The following GABPA variants were observed in gnomAD, a reference collection of about 807,000 sequenced individuals.
GABPA encodes the protein GA-binding protein alpha chain.
In GABPA, 4 loss-of-function variants were observed where a neutral mutation model predicts 59.4. The observed-to-expected ratio is 0.07, with a 90% CI of 0.03 to 0.15. The LOEUF is 0.15. Ranked by LOEUF, GABPA falls within the 10% of genes least tolerant of loss-of-function variation. The pLI is 1.00. For missense variants in GABPA, 251 were observed against 543.8 expected (o/e 0.46, Z 5.36); for synonymous variants, 164 against 183.1 (o/e 0.90, Z 0.84).
intron 3 of GABPA, among the ~76,000 whole-genome samples, chr21:25,747,223 T>C (rs1372785566): frequency 6.6e-6 from 1 of 152,214 alleles, no homozygotes; most frequent in African/African-American, 2.4e-5. Context: ...AGGTTTATAG[T>C]GAATATAACT....
intron 6 of GABPA, among the ~76,000 whole-genome samples, chr21:25,760,101 C>T (rs1387163428): frequency 6.6e-6 from 1 of 152,136 alleles, no homozygotes; most frequent in Non-Finnish European, 1.5e-5. Context: ...CAACAAAGTC[C>T]CACAGCCTAG....
chr21:25,740,404 A>G (rs1413206007), intron 1 of GABPA, among the ~76,000 whole-genome samples: 1 of 152,256 alleles, frequency 6.6e-6, no homozygotes, highest in Non-Finnish European at 1.5e-5. Flanking sequence ...TAGATGTGGT[A>G]GTACGCTTAG....
At chr21:25,758,843 G>T (rs2035698344) in intron 6 of GABPA, among the ~76,000 whole-genome samples, 1 of 152,146 alleles carries the variant, frequency 6.6e-6, no homozygotes. Flanking sequence ...GATGAGGCAG[G>T]CAGATCACTT....
chr21:25,745,061 G>C lies in GABPA; in HGVS notation c.78-149G>C, dbSNP rs547885721. On this transcript the variant is annotated intron_variant, in intron 2 of 9. Transcript: ENST00000400075. Reference sequence around the variant, plus strand: ...AGTGTTCATTTTGGCAACACTAGTTGGTGATGAGCCTGCCACAGTATCTAT... The same window carrying C: ...AGTGTTCATTTTGGCAACACTAGTTCGTGATGAGCCTGCCACAGTATCTAT... The C allele has an allele frequency of 4.1e-6, 3 of 728,950 alleles. No individual in the cohort carries two copies. The South Asian group carries it at 5.5e-5, about 13-fold the overall frequency. 45.2% of individuals were successfully genotyped at this position (728,950 alleles called of 1,614,324 possible). A position where few individuals can be genotyped will look rare whatever the true frequency, so the allele number is the denominator to read the frequency against.
Position 25,735,280 on chromosome 21 carries a change from A to C in GABPA, c.-325A>C. ...GTGCAGGGAAAGTGAGACTGTGTAA[A>C]ACAAAGCGGATTGGGGCGTTGTGCT... On this transcript the variant is annotated 5_prime_UTR_variant, in exon 1 of 10. Transcript: ENST00000400075. The C allele has an allele frequency of 2.4e-6, 1 of 420,330 alleles. No individual in the cohort carries two copies. Among genetic ancestry groups the C allele is most frequent in the South Asian group, 3.2e-5 (1 of 30,946 alleles). 26.0% of individuals were successfully genotyped at this position (420,330 alleles called of 1,614,324 possible).
chr21:25,745,510 T>A (rs2035338527), intron 3 of GABPA, among the ~76,000 whole-genome samples, 156 bp downstream of exon 3: 1 of 152,242 alleles, frequency 6.6e-6, no homozygotes, highest in African/African-American at 2.4e-5. Context: ...AAAAGGTTTT[T>A]AAGCAAAGTT....
At position 25,769,626 on chromosome 21, in the gene GABPA, C is replaced by T. The variant is rs1014048463; in HGVS notation, c.*394C>T. 6.3e-6 allele frequency: 1 copy of T among 159,544 alleles called. No homozygotes were observed. 9.9% of individuals were successfully genotyped at this position (159,544 alleles called of 1,614,324 possible). On this transcript the variant is annotated 3_prime_UTR_variant, in exon 10 of 10. Transcript: ENST00000400075. ...TATTTTTGAAAATATAACTGTTTCC[C>T]CTCTCTGCTGCTTTAGATGTTGCTT... is the stretch of plus-strand genomic sequence containing the variant.
chr21:25,755,481 C>CAAT (rs976845413), intron 5 of GABPA, among the ~76,000 whole-genome samples: 2 of 147,744 alleles, frequency 1.4e-5, no homozygotes, highest in Admixed American at 6.7e-5. Flanking sequence ...TCAAACGTGT[C>CAAT]AATATTTATA....
intron 2 of GABPA, 113 bp from the exon 3 acceptor site, chr21:25,745,097 C>A: frequency 8.5e-7 from 1 of 1,176,948 alleles, no homozygotes. Flanking sequence ...GTAGAAATGA[C>A]TTTTCAAAGA....
Position 25,739,717 on chromosome 21 carries a change from C to G in GABPA, c.-26-1856C>G, listed in dbSNP as rs372487436. Among the ~76,000 whole-genome samples the G allele has an allele frequency of 3.9e-5, 6 of 152,326 alleles. No individual in the cohort carries two copies. The South Asian group carries it at 8.3e-4, about 21-fold the overall frequency. ...TGCAGCCTCGACTCCTGGTCTCAAG[C>G]GATCTTCTCACTTCAGCCTCCCAAG... On this transcript the variant is annotated intron_variant, in intron 1 of 9. Coordinates refer to ENST00000400075, the MANE Select transcript of GABPA (RefSeq NM_002040.4).
intron 2 of GABPA, among the ~76,000 whole-genome samples, chr21:25,743,099 G>A (rs1159048745): frequency 2.0e-5 from 3 of 152,268 alleles, no homozygotes; most frequent in East Asian, 1.9e-4. Flanking sequence ...GGGTGTCTGC[G>A]TCCAAAGTCA....
intron 6 of GABPA, among the ~76,000 whole-genome samples, chr21:25,758,845 A>C (rs1024684110): frequency 6.6e-6 from 1 of 152,186 alleles, no homozygotes. Context: ...TGAGGCAGGC[A>C]GATCACTTGA....
Position 25,764,266 on chromosome 21 carries a change from A to C in GABPA, c.859A>C (p.Ile287Leu), listed in dbSNP as rs376096956. The part of the protein sequence containing the change: ...QSATPTTIKV[I>L]NSSAKAAKVQ... ...TGCTACACCTACTACCATTAAAGTT[A>C]TAAATAGTAGTGCGAAAGCAGCCAA... The change falls in exon 8 of 10, where the codon ATA becomes CTA. Residue 287 changes from isoleucine (I) to leucine (L), a missense_variant. By Grantham distance (5) the Ile-to-Leu change is conservative (BLOSUM62 2). Around this residue, in one of 4 missense-constraint regions of GABPA, gnomAD observed 207 missense variants for 366.7 expected, o/e 0.56. Transcript: ENST00000400075. 1.2e-6 allele frequency: 2 copies of C among 1,611,766 alleles called. No individual in the cohort carries two copies. The highest frequency in any genetic ancestry group is 1.7e-6 in the Non-Finnish European group (2 of 1,178,680).
chr21:25,758,982 A>T (rs2035702842), intron 6 of GABPA, among the ~76,000 whole-genome samples: 1 of 152,142 alleles, frequency 6.6e-6, no homozygotes. Context: ...AGGCGAGAGG[A>T]TAGCCTGAAC....
chr21:25,770,080 C>T lies in GABPA; in HGVS notation c.*848C>T, dbSNP rs1445449349. On this transcript the variant is annotated 3_prime_UTR_variant, in exon 10 of 10. Coordinates refer to ENST00000400075, the MANE Select transcript of GABPA (RefSeq NM_002040.4). ...GTTTGTTTTGGTTTGTTATGGCTTC[C>T]TTTTTTAAAAAATTACCCTGTAGTG... is the stretch of plus-strand genomic sequence containing the variant. 1 of 152,542 alleles carries T rather than the reference C, an allele frequency of 6.6e-6. No individual in the cohort carries two copies. Among genetic ancestry groups the T allele is most frequent in the Non-Finnish European group, 1.5e-5 (1 of 67,964 alleles). 9.4% of individuals were successfully genotyped at this position (152,542 alleles called of 1,614,324 possible). A position where few individuals can be genotyped will look rare whatever the true frequency, so the allele number is the denominator to read the frequency against.
chr21:25,742,831 A>G (rs1280199341), intron 2 of GABPA, among the ~76,000 whole-genome samples: 2 of 150,762 alleles, frequency 1.3e-5, no homozygotes, highest in Non-Finnish European at 2.9e-5. Context: ...CTGAGGTGAG[A>G]GGATTGCTTG....
intron 5 of GABPA, among the ~76,000 whole-genome samples, chr21:25,755,979 A>C (rs530959816): frequency 6.6e-6 from 1 of 152,280 alleles, no homozygotes; most frequent in Non-Finnish European, 1.5e-5. Context: ...CACTCTGCTT[A>C]TTGTCTTCAA....
chr21:25,756,409 T>C (rs1282003622), intron 5 of GABPA, among the ~76,000 whole-genome samples: 1 of 152,176 alleles, frequency 6.6e-6, no homozygotes, highest in Non-Finnish European at 1.5e-5. Context: ...TCACTTCTAG[T>C]TCCACTCTGC....
rs73338286 is a variant in GABPA at position 25,742,991 on chromosome 21, G to A, written c.77+1316G>A. 8.2e-3 allele frequency among the ~76,000 whole-genome samples: 1,253 copies of A among 152,146 alleles called. 19 individuals carry two copies. Among genetic ancestry groups the A allele is most frequent in the African/African-American group, 0.029 (1,208 of 41,504 alleles). On this transcript the variant is annotated intron_variant, in intron 2 of 9. Transcript: ENST00000400075. ...CTCATTGTTTCTCAGAGAAACCTGGGAGCAACTTACCTGGGTGGATCTGTC... is the reference window on the plus strand; with the variant it reads ...CTCATTGTTTCTCAGAGAAACCTGGAAGCAACTTACCTGGGTGGATCTGTC...
Sources: allele counts gnomAD v4.1 joint callset (sites outside exome capture counted in the v4.1 genomes callset), GRCh38; gene constraint gnomAD v4.1.1; regional missense constraint gnomAD v4.1.1; transcripts MANE v1.5; gene names NCBI Gene and HGNC (gene_info 2026-07-23, HGNC 2026-07-21).